IGF1R: variants seen among roughly 807,000 people sequenced by gnomAD.
IGF1R encodes the protein insulin like growth factor 1 receptor.
IGF1R carries 44 observed loss-of-function variants against 144.6 expected under a neutral mutation model. The observed-to-expected ratio is 0.30, with a 90% CI of 0.24 to 0.39. The LOEUF is 0.39. Ranked by LOEUF, IGF1R falls within the 10% of genes least tolerant of loss-of-function variation. The probability of loss-of-function intolerance (pLI) is 1.00; values close to 1 mark genes in which losing one functional copy is unlikely to be tolerated. For synonymous variants in IGF1R, 795 were observed against 722.8 expected (o/e 1.10, Z -1.60); for missense variants, 1,355 against 1,833.7 (o/e 0.74, Z 4.77).
At chr15:98,795,403 T>G (rs181030844) in intron 2 of IGF1R, among the ~76,000 whole-genome samples, 1 of 151,362 alleles carries the variant, frequency 6.6e-6, no homozygotes, top group South Asian at 2.1e-4. Flanking sequence ...TCTTTCTTGT[T>G]TTTTGTTTTG....
At chr15:98,921,180 G>A (rs185589152) in intron 10 of IGF1R, among the ~76,000 whole-genome samples, 2 of 152,342 alleles carry the variant, frequency 1.3e-5, no homozygotes, top group Admixed American at 6.5e-5. Context: ...TGGCTGACCT[G>A]AGGGTTGCCC....
In IGF1R at chr15:98,905,289, A is replaced by G. The variant is rs1248972661; in HGVS notation, c.1248-3396A>G. Among the ~76,000 whole-genome samples the G allele has an allele frequency of 1.3e-5, 2 of 152,170 alleles. 1 individual carries two copies. Among genetic ancestry groups the G allele is most frequent in the Middle Eastern group, 6.3e-3 (2 of 316 alleles). Reference sequence around the variant, plus strand: ...TGTAGAAATAAACATTTTTTACAACATAGAGAAGGCTGAGAACCAGGATAC... The same window carrying G: ...TGTAGAAATAAACATTTTTTACAACGTAGAGAAGGCTGAGAACCAGGATAC... On this transcript the variant is annotated intron_variant, in intron 5 of 20. Transcript: ENST00000650285.
At chr15:98,919,126 G>C (rs1342500524) in intron 10 of IGF1R, among the ~76,000 whole-genome samples, 11 of 152,216 alleles carry the variant, frequency 7.2e-5, no homozygotes, top group Admixed American at 7.2e-4. Flanking sequence ...AACTCAATGA[G>C]GTTTGGTGAC....
At position 98,674,977 on chromosome 15, in the gene IGF1R, A is replaced by ATTTTTTTTTTTTT. The variant is rs71149408; in HGVS notation, c.94+25314_94+25326dup. On this transcript the variant is annotated intron_variant, in intron 1 of 20. Transcript: ENST00000650285. ...AAATGCTAAATTTAGGTATTTTACA[A>ATTTTTTTTTTTTT]TTTTTTTTTTTTTTTTTTTTTTTTG... Among the ~76,000 whole-genome samples, 93 of 98,894 alleles carry ATTTTTTTTTTTTT rather than the reference A, an allele frequency of 9.4e-4. 2 individuals are homozygous for ATTTTTTTTTTTTT. The highest frequency in any genetic ancestry group is 3.9e-3 in the African/African-American group (93 of 23,972). The allele number at this position is 98,894 out of a possible 152,430, so 64.9% of individuals were successfully genotyped here.
rs1442051789 is a variant in IGF1R, at chr15:98,957,370, G to A, written c.4032G>A (p.Gln1344=). The part of the protein sequence containing the change: ...LVLRASFDER[Q]PYAHMNGGRK... ...TCCGCGCCAGCTTCGACGAGAGACA[G>A]CCTTACGCCCACATGAACGGGGGCC... Residue 1344 remains glutamine, a synonymous_variant, in exon 21 of 21, where the codon CAG becomes CAA. Coordinates refer to ENST00000650285, the MANE Select transcript of IGF1R (RefSeq NM_000875.5). 2 of 1,613,258 alleles carry A rather than the reference G, an allele frequency of 1.2e-6. No individual in the cohort carries two copies. The highest frequency in any genetic ancestry group is 2.7e-5 in the African/African-American group (2 of 74,960).
At chr15:98,954,255 C>G (rs2016890983) in intron 20 of IGF1R, 1 of 152,168 alleles carries the variant, frequency 6.6e-6, no homozygotes, top group African/African-American at 2.4e-5. Flanking sequence ...CACAGCTGGC[C>G]CCCAGGAAGC....
chr15:98,893,828 A>G (rs1371946888), intron 3 of IGF1R, among the ~76,000 whole-genome samples: 6 of 152,040 alleles, frequency 3.9e-5, no homozygotes, highest in Non-Finnish European at 8.8e-5. Flanking sequence ...CTATACATCT[A>G]CCTTTTTGTT....
rs181445923 is a variant in IGF1R, at chr15:98,962,327, T to C, written c.*4885T>C. 1 of 233,530 alleles carries C rather than the reference T, an allele frequency of 4.3e-6. No homozygotes were observed. Among genetic ancestry groups the C allele is most frequent in the Admixed American group, 5.6e-5 (1 of 17,804 alleles). 14.5% of individuals were successfully genotyped at this position (233,530 alleles called of 1,614,324 possible). A position where few individuals can be genotyped will look rare whatever the true frequency, so the allele number is the denominator to read the frequency against. ...TCAAGTTTGGGGTTTGTTCTTTTCG[T>C]TAATGTTCCTCTGTGTTGTCAGCTG... On this transcript the variant is annotated 3_prime_UTR_variant, in exon 21 of 21. Transcript: ENST00000650285.
intron 2 of IGF1R, among the ~76,000 whole-genome samples, chr15:98,817,886 T>G (rs1486233138): frequency 6.6e-6 from 1 of 152,190 alleles, no homozygotes; most frequent in African/African-American, 2.4e-5. Context: ...TCTGCCTACT[T>G]CACCTCTTCT....
rs371505428 is a variant in IGF1R, at chr15:98,916,097, C to T, written c.1962C>T (p.Asp654=). 1.7e-5 allele frequency: 28 copies of T among 1,614,084 alleles called. No homozygotes were observed. The highest frequency in any genetic ancestry group is 6.7e-5 in the Admixed American group (4 of 60,006). ...YIVRWQRQPQ[D]GYLYRHNYCS... is the part of the protein sequence containing the mutation. ...TGCGCTGGCAGCGGCAGCCTCAGGA[C>T]GGCTACCTTTACCGGCACAATTACT... Residue 654 remains aspartate, a synonymous_variant, in exon 9 of 21, where the codon GAC becomes GAT. Transcript: ENST00000650285.
At chr15:98,883,315 C>T (rs1478763100) in intron 2 of IGF1R, among the ~76,000 whole-genome samples, 1 of 152,114 alleles carries the variant, frequency 6.6e-6, no homozygotes, top group African/African-American at 2.4e-5. Flanking sequence ...GGTTTTTTTC[C>T]AACCATTCCT....
At chr15:98,830,764 C>A (rs974672658) in intron 2 of IGF1R, among the ~76,000 whole-genome samples, 2 of 152,110 alleles carry the variant, frequency 1.3e-5, no homozygotes, top group Admixed American at 1.3e-4. Context: ...CCACCACACC[C>A]AGCTAATTTT....
At chr15:98,879,665 A>G (rs1431407367) in intron 2 of IGF1R, among the ~76,000 whole-genome samples, 1 of 152,132 alleles carries the variant, frequency 6.6e-6, no homozygotes, top group Non-Finnish European at 1.5e-5. Context: ...TGAGGTCCAG[A>G]TGGGCCTCTC....
intron 2 of IGF1R, among the ~76,000 whole-genome samples, chr15:98,859,199 G>T (rs900242241): frequency 6.6e-6 from 1 of 152,062 alleles, no homozygotes; most frequent in African/African-American, 2.4e-5. Flanking sequence ...TAAAAATTCA[G>T]CATGTCCACC....
Position 98,960,708 on chromosome 15 carries a change from C to T in IGF1R, c.*3266C>T, listed in dbSNP as rs998694975. 4.3e-6 allele frequency: 1 copy of T among 233,374 alleles called. No homozygotes were observed. The highest frequency in any genetic ancestry group is 2.2e-5 in the African/African-American group (1 of 45,362). The allele number at this position is 233,374 out of a possible 1,614,324, so 14.5% of individuals were successfully genotyped here. On this transcript the variant is annotated 3_prime_UTR_variant, in exon 21 of 21. Coordinates refer to ENST00000650285, the MANE Select transcript of IGF1R (RefSeq NM_000875.5). ...CAGCAGCTGGAGAGCAAGAGTCACCCAGCCTGTGCGCCAGAATGCAGAGGC... is the reference window on the plus strand; with the variant it reads ...CAGCAGCTGGAGAGCAAGAGTCACCTAGCCTGTGCGCCAGAATGCAGAGGC...
Position 98,958,456 on chromosome 15 carries a change from A to T in IGF1R, c.*1014A>T, listed in dbSNP as rs2017100390. The T allele has an allele frequency of 5.6e-6, 1 of 179,148 alleles. No individual in the cohort carries two copies. Among genetic ancestry groups the T allele is most frequent in the Non-Finnish European group, 1.2e-5 (1 of 85,376 alleles). 11.1% of individuals were successfully genotyped at this position (179,148 alleles called of 1,614,324 possible). A position where few individuals can be genotyped will look rare whatever the true frequency, so the allele number is the denominator to read the frequency against. ...CACAGATGGGAAGGGGTTTCCAGGG[A>T]CTCAGCCCCACTGTTGATGCAGGTT... On this transcript the variant is annotated 3_prime_UTR_variant, in exon 21 of 21. Transcript: ENST00000650285.
rs765937481 is a variant in IGF1R, at chr15:98,922,178, A to G, written c.2232A>G (p.Gln744=). 81 of 1,614,114 alleles carry G rather than the reference A, an allele frequency of 5.0e-5. No homozygotes were observed. The highest frequency in any genetic ancestry group is 1.7e-5 in the Admixed American group (1 of 60,004). The part of the protein sequence containing the change: ...RPERKRRDVM[Q]VANTTMSSRS... ...AAAGGAAGCGGAGAGATGTCATGCA[A>G]GTGGCCAACACCACCATGTCCAGCC... The change falls in exon 11 of 21, where the codon CAA becomes CAG. Residue 744 remains glutamine, a synonymous_variant. Coordinates refer to ENST00000650285, the MANE Select transcript of IGF1R (RefSeq NM_000875.5).
chr15:98,834,880 A>G (rs1280707196), intron 2 of IGF1R, among the ~76,000 whole-genome samples: 1 of 152,156 alleles, frequency 6.6e-6, no homozygotes, highest in African/African-American at 2.4e-5. Flanking sequence ...CTTCTGCTTA[A>G]ACCGTTGTCA....
At chr15:98,788,093 T>TGC (rs1567129553) in intron 2 of IGF1R, among the ~76,000 whole-genome samples, 9 of 151,442 alleles carry the variant, frequency 5.9e-5, no homozygotes, top group Non-Finnish European at 1.2e-4. Flanking sequence ...TGTGTGTGTG[T>TGC]AAATAGTGAT....
Sources: gnomAD v4.1 joint callset for allele counts (sites outside exome capture counted in the v4.1 genomes callset) on GRCh38, gnomAD v4.1.1 for gene constraint, MANE v1.5 for transcripts, NCBI Gene and HGNC (gene_info 2026-07-23, HGNC 2026-07-21) for gene names.